Variants in NCAM2 observed in about 807,000 individuals in gnomAD.
NCAM2 encodes N-CAM-2.
Under a neutral mutation model 98.1 loss-of-function variants are expected in NCAM2, and 30 were observed. That is an observed-to-expected ratio of 0.31 (90% CI 0.23 to 0.41). The LOEUF (loss-of-function observed/expected upper bound fraction) is 0.41. NCAM2 is among the 10% of genes least tolerant of loss of function. The probability of loss-of-function intolerance (pLI) is 1.00; values close to 1 mark genes in which losing one functional copy is unlikely to be tolerated. For missense variants in NCAM2, 867 were observed against 1,005.8 expected, an observed-to-expected ratio of 0.86 and a Z score of 1.87; for synonymous variants, 368 against 342.4, an observed-to-expected ratio of 1.07 and a Z score of -0.83.
At chr21:21,376,290 T>C (rs1190792123) in intron 9 of NCAM2, among the ~76,000 whole-genome samples, 1 of 151,800 alleles carries the variant, frequency 6.6e-6, no homozygotes, top group Admixed American at 6.6e-5. Context: ...ATTAAGATTA[T>C]AATTCATATA....
At chr21:21,380,473 A>G (rs933563020) in intron 9 of NCAM2, among the ~76,000 whole-genome samples, 1 of 152,188 alleles carries the variant, frequency 6.6e-6, no homozygotes, top group Non-Finnish European at 1.5e-5. Context: ...TTTGGAAGTC[A>G]GAGGTCTGAA....
intron 9 of NCAM2, among the ~76,000 whole-genome samples, chr21:21,392,870 T>G (rs1462685192): frequency 6.6e-6 from 1 of 152,202 alleles, no homozygotes; most frequent in Admixed American, 6.5e-5. Context: ...ATGCATAGTT[T>G]GCAAACATTT....
intron 1 of NCAM2, among the ~76,000 whole-genome samples, chr21:21,026,453 G>A (rs1044503896): frequency 6.6e-6 from 1 of 151,982 alleles, no homozygotes; most frequent in East Asian, 1.9e-4. Flanking sequence ...GAGGTCGGGA[G>A]TTCGAGACTA....
chr21:21,271,670 A>G (rs187946908), intron 1 of NCAM2, among the ~76,000 whole-genome samples: 37 of 152,308 alleles, frequency 2.4e-4, no homozygotes, highest in Admixed American at 2.2e-3. Context: ...GTACTCATGT[A>G]TGACTGATAG....
intron 1 of NCAM2, among the ~76,000 whole-genome samples, chr21:21,103,251 A>G (rs1252764521): frequency 6.6e-6 from 1 of 151,946 alleles, no homozygotes; most frequent in Non-Finnish European, 1.5e-5. Context: ...TAGGTTAGTC[A>G]TTTGTTAGTG....
intron 9 of NCAM2, among the ~76,000 whole-genome samples, chr21:21,404,796 A>G (rs1166414944): frequency 1.3e-5 from 2 of 151,740 alleles, no homozygotes; most frequent in Non-Finnish European, 2.9e-5. Context: ...GTATGTACAT[A>G]TATGTATATA....
At chr21:21,337,543 A>G (rs548679563) in intron 7 of NCAM2, among the ~76,000 whole-genome samples, 15 of 152,182 alleles carry the variant, frequency 9.9e-5, no homozygotes, top group Admixed American at 8.5e-4. Flanking sequence ...TAAAATATAT[A>G]AAAAGTAACT....
At chr21:21,315,321 G>T (rs1012679443) in intron 5 of NCAM2, among the ~76,000 whole-genome samples, 3 of 152,140 alleles carry the variant, frequency 2.0e-5, no homozygotes, top group African/African-American at 7.2e-5. Flanking sequence ...ATTTCCTAAA[G>T]AACTTGCTGT....
At chr21:21,155,244 G>A (rs968918310) in intron 1 of NCAM2, among the ~76,000 whole-genome samples, 7 of 150,572 alleles carry the variant, frequency 4.6e-5, no homozygotes, top group Admixed American at 2.7e-4. Flanking sequence ...CCCTCACAAA[G>A]GTGAGTGGCA....
chr21:21,397,877 G>A (rs539782549), intron 9 of NCAM2, among the ~76,000 whole-genome samples: 81 of 152,326 alleles, frequency 5.3e-4, no homozygotes, highest in African/African-American at 1.9e-3. Context: ...ATGGAAAACT[G>A]TGTGGAGATT....
At chr21:21,521,976 T>C (rs1194123333) in intron 16 of NCAM2, among the ~76,000 whole-genome samples, 1 of 150,034 alleles carries the variant, frequency 6.7e-6, no homozygotes, top group Admixed American at 6.7e-5. Flanking sequence ...ATACATCATA[T>C]TCAAACTGCA....
intron 1 of NCAM2, among the ~76,000 whole-genome samples, chr21:21,030,057 T>G (rs920256336): frequency 6.6e-6 from 1 of 152,194 alleles, no homozygotes; most frequent in Non-Finnish European, 1.5e-5. Flanking sequence ...TTCAAATGTC[T>G]AAAAATTCCT....
intron 9 of NCAM2, among the ~76,000 whole-genome samples, chr21:21,393,553 T>A (rs2076428545): frequency 6.6e-6 from 1 of 152,190 alleles, no homozygotes. Context: ...AATTTAAAGA[T>A]AATATCTTAA....
At chr21:21,355,729 A>G (rs1344924357) in intron 8 of NCAM2, among the ~76,000 whole-genome samples, 1 of 151,412 alleles carries the variant, frequency 6.6e-6, no homozygotes, top group Non-Finnish European at 1.5e-5. Context: ...GATTCTCCTG[A>G]CATAGCCTCC....
intron 1 of NCAM2, among the ~76,000 whole-genome samples, chr21:21,016,870 GGTGCCTCCCACTACACA>G (rs1319380472): frequency 6.6e-6 from 1 of 152,098 alleles, no homozygotes; most frequent in Non-Finnish European, 1.5e-5. Flanking sequence ...TGAAGACCTG[GGTGCCTCCCACTACACA>G]GTGCTTGGGG....
intron 5 of NCAM2, among the ~76,000 whole-genome samples, chr21:21,302,718 T>A (rs1392009249): frequency 1.3e-5 from 2 of 152,066 alleles, no homozygotes; most frequent in Middle Eastern, 3.2e-3. Flanking sequence ...TTAAAACAGA[T>A]ATACTATTCA....
intron 11 of NCAM2, among the ~76,000 whole-genome samples, chr21:21,423,668 T>C (rs774882503): frequency 5.3e-5 from 8 of 152,166 alleles, no homozygotes; most frequent in Non-Finnish European, 7.4e-5. Flanking sequence ...TGCTTCACAA[T>C]TGATTTTTTT....
chr21:21,383,228 T>A lies in NCAM2; in HGVS notation c.1195+9215T>A, dbSNP rs114929811. ...AATCACCTCTAAGTTTTGTGTTCCATCCTGTCAGCAGTGACTCAAACCTCA... is the reference window on the plus strand; with the variant it reads ...AATCACCTCTAAGTTTTGTGTTCCAACCTGTCAGCAGTGACTCAAACCTCA... On this transcript the variant is annotated intron_variant, in intron 9 of 17. Transcript: ENST00000400546. Among the ~76,000 whole-genome samples the A allele has an allele frequency of 7.8e-3, 1,186 of 152,278 alleles. 15 individuals are homozygous for A. Among genetic ancestry groups the A allele is most frequent in the African/African-American group, 0.027 (1,138 of 41,550 alleles).
chr21:21,510,363 C>A (rs1988287850), intron 16 of NCAM2, among the ~76,000 whole-genome samples: 2 of 152,106 alleles, frequency 1.3e-5, no homozygotes, highest in South Asian at 4.1e-4. Flanking sequence ...CTCCCTCACC[C>A]AGGCCATTGC....
Sources: gnomAD v4.1 joint callset for allele counts (sites outside exome capture counted in the v4.1 genomes callset) on GRCh38, gnomAD v4.1.1 for gene constraint, MANE v1.5 for transcripts, NCBI Gene and HGNC (gene_info 2026-07-23, HGNC 2026-07-21) for gene names.